RORA: variants seen among roughly 807,000 people sequenced by gnomAD.
RORA encodes the protein nuclear receptor ROR-alpha.
A neutral mutation model predicts 69.5 loss-of-function variants in RORA; 7 were observed. That is an observed-to-expected ratio of 0.10 (90% CI 0.06 to 0.19). RORA has a LOEUF of 0.19. Among genes scored for constraint, RORA ranks in the 10% least tolerant of loss-of-function variants. RORA has a pLI of 1.00. For synonymous variants in RORA, 261 were observed against 240.8 expected, an observed-to-expected ratio of 1.08 and a Z score of -0.78; for missense variants, 457 against 663.0, an observed-to-expected ratio of 0.69 and a Z score of 3.41.
intron 2 of RORA, among the ~76,000 whole-genome samples, chr15:60,616,263 C>T (rs2069240896): frequency 6.6e-6 from 1 of 152,040 alleles, no homozygotes; most frequent in Non-Finnish European, 1.5e-5. Flanking sequence ...GATCAAATCC[C>T]ATAAGGGTGT....
Position 60,497,201 on chromosome 15 carries a change from A to G in RORA, c.*254T>C, listed in dbSNP as rs79921373. 5.5e-3 allele frequency: 2,012 copies of G among 367,164 alleles called. 36 individuals carry two copies. The highest frequency in any genetic ancestry group is 0.039 in the African/African-American group (1,876 of 48,530). The allele number at this position is 367,164 out of a possible 1,614,324, so 22.7% of individuals were successfully genotyped here. A position where few individuals can be genotyped will look rare whatever the true frequency, so the allele number is the denominator to read the frequency against. The stretch of plus-strand genomic sequence containing the variant: ...CTCCTCCTGTTGTAAACAGAGGTCA[A>G]TGATCAAGAAGTCAAGACAGAAAAA... On this transcript the variant is annotated 3_prime_UTR_variant, in exon 11 of 11. Coordinates refer to ENST00000335670, the MANE Select transcript of RORA (RefSeq NM_134261.3).
At chr15:60,885,467 G>A (rs1214709134) in intron 1 of RORA, among the ~76,000 whole-genome samples, 3 of 152,164 alleles carry the variant, frequency 2.0e-5, no homozygotes, top group African/African-American at 2.4e-5. Flanking sequence ...AGAATTGCCC[G>A]GCCTAGCCCT....
intron 1 of RORA, among the ~76,000 whole-genome samples, chr15:61,019,426 T>A (rs1442273699): frequency 6.6e-6 from 1 of 152,172 alleles, no homozygotes; most frequent in Non-Finnish European, 1.5e-5. Flanking sequence ...TCGATGATTA[T>A]CAAGTATATA....
At chr15:60,861,042 C>G (rs895059419) in intron 1 of RORA, among the ~76,000 whole-genome samples, 2 of 152,130 alleles carry the variant, frequency 1.3e-5, no homozygotes, top group Admixed American at 1.3e-4. Flanking sequence ...TTAGGGGTAT[C>G]CTTGACCATC....
intron 1 of RORA, among the ~76,000 whole-genome samples, chr15:60,919,965 G>A (rs971333546): frequency 6.6e-6 from 1 of 152,096 alleles, no homozygotes; most frequent in Non-Finnish European, 1.5e-5. Context: ...CTTATAGAAC[G>A]TACAGAAGAG....
At chr15:61,114,309 C>T (rs931918319) in intron 1 of RORA, among the ~76,000 whole-genome samples, 28 of 152,156 alleles carry the variant, frequency 1.8e-4, no homozygotes, top group African/African-American at 5.8e-4. Context: ...CTAGCAGGCA[C>T]TTCCAAACTC....
rs77598537 is a variant in RORA at position 60,763,065 on chromosome 15, A to T, written c.167-84379T>A. Among the ~76,000 whole-genome samples the T allele has an allele frequency of 2.1e-3, 104 of 48,376 alleles. 3 individuals carry two copies. The highest frequency in any genetic ancestry group is 7.1e-3 in the African/African-American group (99 of 13,980). 31.7% of individuals were successfully genotyped at this position (48,376 alleles called of 152,430 possible). On this transcript the variant is annotated intron_variant, in intron 1 of 10. Coordinates refer to ENST00000335670, the MANE Select transcript of RORA (RefSeq NM_134261.3). ...AAAGTACTGTTTCCAATATGCACAG[A>T]TTTTTTTTTTTTTTTTTTTTTTTTT...
chr15:60,957,436 C>G lies in RORA; in HGVS notation c.166+271617G>C, dbSNP rs73432089. On this transcript the variant is annotated intron_variant, in intron 1 of 10. Transcript: ENST00000335670. Reference sequence around the variant, plus strand: ...AGGGCTATGATTGTAGCTGTTGTTCCAACAGTTCTGTGACAACACGTACCT... The same window carrying G: ...AGGGCTATGATTGTAGCTGTTGTTCGAACAGTTCTGTGACAACACGTACCT... Among the ~76,000 whole-genome samples the G allele has an allele frequency of 8.3e-3, 1,257 of 152,304 alleles. 13 individuals are homozygous for G. Among genetic ancestry groups the G allele is most frequent in the African/African-American group, 0.028 (1,182 of 41,552 alleles).
At chr15:60,558,254 C>T (rs151126520) in intron 2 of RORA, 1 of 1,612,302 alleles carries the variant, frequency 6.2e-7, no homozygotes, top group Admixed American at 1.7e-5. Flanking sequence ...AAAGCATCAC[C>T]TGAAGACAGG....
Position 60,862,842 on chromosome 15 carries a change from A to G in RORA, c.167-184156T>C, listed in dbSNP as rs527638735. Among the ~76,000 whole-genome samples the G allele has an allele frequency of 3.3e-5, 5 of 152,342 alleles. No homozygotes were observed. The South Asian group carries it at 1.0e-3, about 32-fold the overall frequency. On this transcript the variant is annotated intron_variant, in intron 1 of 10. Transcript: ENST00000335670. ...CATCTATTTGTGTAACTGTTCAATT[A>G]GGAGTGTAATAGCTGGGACAGAGAT... is the stretch of plus-strand genomic sequence containing the variant.
intron 1 of RORA, among the ~76,000 whole-genome samples, chr15:61,209,840 C>T (rs754179412): frequency 1.8e-4 from 27 of 152,210 alleles, no homozygotes; most frequent in Non-Finnish European, 3.7e-4. Flanking sequence ...TTTAGCCTCC[C>T]TAAATCTGCA....
At chr15:60,819,746 GAC>G (rs59044853) in intron 1 of RORA, among the ~76,000 whole-genome samples, 7,116 of 119,192 alleles carry the variant, frequency 0.06, 305 homozygotes, top group African/African-American at 0.14. Flanking sequence ...GTCAAACCCA[GAC>G]ACACACACAC....
At chr15:60,855,910 C>T (rs1046066252) in intron 1 of RORA, among the ~76,000 whole-genome samples, 3 of 152,224 alleles carry the variant, frequency 2.0e-5, no homozygotes, top group Non-Finnish European at 4.4e-5. Context: ...CCATCGCACC[C>T]AGCCCTGTTT....
In RORA at chr15:60,490,543, GA is replaced by G. The variant is rs1032687851; in HGVS notation, c.*6911del. ...AAAGCAGGGACAGGTAAATTTGAAA[GA>G]AGAGTAAGAGAGAAAATGTTTACAG... On this transcript the variant is annotated 3_prime_UTR_variant, in exon 11 of 11. Transcript: ENST00000335670. The surrounding 1 kb of genome is among the most constrained non-coding windows in gnomAD (Gnocchi z 4.1). 4 of 152,090 alleles carry G rather than the reference GA, an allele frequency of 2.6e-5. No individual in the cohort carries two copies. Among genetic ancestry groups the G allele is most frequent in the African/African-American group, 9.7e-5 (4 of 41,434 alleles). 9.4% of individuals were successfully genotyped at this position (152,090 alleles called of 1,614,324 possible). A position where few individuals can be genotyped will look rare whatever the true frequency, so the allele number is the denominator to read the frequency against.
chr15:60,607,203 C>A (rs2068967325), intron 2 of RORA, among the ~76,000 whole-genome samples: 1 of 152,196 alleles, frequency 6.6e-6, no homozygotes, highest in Non-Finnish European at 1.5e-5. Flanking sequence ...GCCAACCACA[C>A]CTGCCGAGTT....
At chr15:61,120,397 G>C (rs8035951) in intron 1 of RORA, among the ~76,000 whole-genome samples, 6,110 of 152,020 alleles carry the variant, frequency 0.04, 402 homozygotes, top group African/African-American at 0.14. Context: ...TCCAAAGGAG[G>C]AATTTTAAAA....
At chr15:60,880,943 C>T (rs1274477474) in intron 1 of RORA, among the ~76,000 whole-genome samples, 1 of 152,180 alleles carries the variant, frequency 6.6e-6, no homozygotes, top group Admixed American at 6.5e-5. Context: ...ATCTTGCCAC[C>T]TGACACCTCA....
chr15:60,995,902 T>G (rs1894517758), intron 1 of RORA, among the ~76,000 whole-genome samples: 1 of 152,220 alleles, frequency 6.6e-6, no homozygotes, highest in Middle Eastern at 3.2e-3. Flanking sequence ...GAAAATCGTT[T>G]TCTTGCAGGT....
chr15:60,645,815 A>T (rs1421403775), intron 2 of RORA, among the ~76,000 whole-genome samples: 4 of 141,268 alleles, frequency 2.8e-5, no homozygotes, highest in African/African-American at 5.8e-5. Flanking sequence ...TTTTTTTTAA[A>T]AAATTAAGGG....
Sources: allele counts gnomAD v4.1 joint callset (sites outside exome capture counted in the v4.1 genomes callset), GRCh38; gene constraint gnomAD v4.1.1; non-coding constraint Gnocchi (gnomAD v3.1); transcripts MANE v1.5; gene names NCBI Gene and HGNC (gene_info 2026-07-23, HGNC 2026-07-21).